The following ITGA3 variants were observed in gnomAD, a reference collection of about 807,000 sequenced individuals.
ITGA3 encodes the protein integrin alpha-3.
A neutral mutation model predicts 131.1 loss-of-function variants in ITGA3; 70 were observed. The observed-to-expected ratio is 0.53, with a 90% CI of 0.44 to 0.65. The LOEUF (loss-of-function observed/expected upper bound fraction) is 0.65, where lower values mean the gene tolerates loss of function less well. Ranked by LOEUF, ITGA3 falls within the 30% of genes least tolerant of loss-of-function variation. ITGA3 has a pLI of 0.00. For synonymous variants in ITGA3, 537 were observed against 571.6 expected, an observed-to-expected ratio of 0.94 and a Z score of 0.86; for missense variants, 1,098 against 1,388.6, an observed-to-expected ratio of 0.79 and a Z score of 3.33.
At chr17:50,070,659 A>G (rs1237766079) in intron 4 of ITGA3, among the ~76,000 whole-genome samples, 185 bp from the exon 5 acceptor site, 1 of 129,702 alleles carries the variant, frequency 7.7e-6, no homozygotes, top group Non-Finnish European at 1.6e-5. Context: ...AAAAAAAAAA[A>G]AAAAAAAAAG....
In ITGA3 at chr17:50,079,090, G is replaced by A. The variant is rs1251272139; in HGVS notation, c.2415G>A (p.Gly805=). The change falls in exon 20 of 26, where the codon GGG becomes GGA. Residue 805 remains glycine (G), a synonymous_variant. Transcript: ENST00000320031. ...LKYEFQVGPM[G]EGLVGLGTLV... ...TGTGCCCACAGGTGGGCCCAATGGG[G>A]GAGGGGCTGGTGGGCCTGGGGACCC... 2.5e-6 allele frequency: 4 copies of A among 1,613,610 alleles called. No homozygotes were observed. The African/African-American group carries it at 4.0e-5, about 16-fold the overall frequency.
At chr17:50,061,811 G>A (rs1436335122) in intron 1 of ITGA3, among the ~76,000 whole-genome samples, 3 of 152,120 alleles carry the variant, frequency 2.0e-5, no homozygotes, top group African/African-American at 7.2e-5. Context: ...AGGCCGAGGC[G>A]GGTGGATCAC....
At chr17:50,081,182 A>G (rs1265134743) in intron 22 of ITGA3, 128 bp from the exon 23 acceptor site, 3 of 616,286 alleles carry the variant, frequency 4.9e-6, no homozygotes, top group East Asian at 5.6e-5. Context: ...CCTGGCTGAC[A>G]GATCCTTTGG....
intron 6 of ITGA3, 107 bp from the exon 7 acceptor site, chr17:50,071,879 C>T: frequency 1.0e-6 from 1 of 969,028 alleles, no homozygotes; most frequent in Non-Finnish European, 1.5e-6. Flanking sequence ...GCCGGAAGAG[C>T]CATTTGCAGA....
Sources: gnomAD v4.1 joint callset for allele counts (sites outside exome capture counted in the v4.1 genomes callset) on GRCh38, gnomAD v4.1.1 for gene constraint, MANE v1.5 for transcripts, NCBI Gene and HGNC (gene_info 2026-07-23, HGNC 2026-07-21) for gene names.